The following CEACAM8 variants were observed in gnomAD, a reference collection of about 807,000 sequenced individuals.
CEACAM8 encodes CEA cell adhesion molecule 8, also known as cell adhesion molecule CEACAM8.
CEACAM8 carries 31 observed loss-of-function variants against 33.4 expected under a neutral mutation model. The observed-to-expected ratio is 0.93, with a 90% confidence interval of 0.70 to 1.25. CEACAM8 has a LOEUF of 1.25. Ranked by LOEUF, CEACAM8 falls within the 50% of genes most tolerant of loss-of-function variation. CEACAM8 has a pLI of 0.00. For synonymous variants in CEACAM8, 138 were observed against 164.5 expected (o/e 0.84, Z 1.23); for missense variants, 388 against 434.6 (o/e 0.89, Z 0.95).
At chr19:42,589,783 C>T in intron 2 of CEACAM8, 48 bp from the exon 3 acceptor site, 1 of 1,612,088 alleles carries the variant, frequency 6.2e-7, no homozygotes, top group Non-Finnish European at 8.5e-7. Context: ...ACCTTTGATT[C>T]CTCCACAGGC....
In CEACAM8 at chr19:42,591,803, A is replaced by G. The variant is rs568852759; in HGVS notation, c.424+1738T>C. Among the ~76,000 whole-genome samples the G allele has an allele frequency of 4.6e-5, 7 of 152,312 alleles. No homozygotes were observed. In the South Asian group the frequency reaches 1.5e-3, roughly 32 times the overall value. ...GATCTAGTCTCTAAAGAGGTTTTGC[A>G]TCATTCATTCTCTCATTCATTCCCT... On this transcript the variant is annotated intron_variant, in intron 2 of 5. Transcript: ENST00000244336.
At chr19:42,590,245 G>A (rs945800283) in intron 2 of CEACAM8, among the ~76,000 whole-genome samples, 1 of 152,222 alleles carries the variant, frequency 6.6e-6, no homozygotes, top group Admixed American at 6.5e-5. Context: ...AGGGGAGGCC[G>A]GGGCAAGCCT....
intron 5 of CEACAM8, among the ~76,000 whole-genome samples, chr19:42,582,575 C>G (rs1460142823): frequency 6.6e-6 from 1 of 152,024 alleles, no homozygotes; most frequent in Non-Finnish European, 1.5e-5. Flanking sequence ...GTGGGCAACT[C>G]CACAGTTCAG....
At chr19:42,583,468 G>T in intron 4 of CEACAM8, 131 bp from the exon 5 acceptor site, 1 of 674,184 alleles carries the variant, frequency 1.5e-6, no homozygotes, top group South Asian at 1.7e-5. Context: ...TTTGTGGGAA[G>T]GTTGCTGGGA....
At chr19:42,594,499 A>G (rs1030128459) in intron 1 of CEACAM8, among the ~76,000 whole-genome samples, 3 of 152,176 alleles carry the variant, frequency 2.0e-5, no homozygotes, top group African/African-American at 7.2e-5. Flanking sequence ...GTCATCTGGT[A>G]TGGTTATTAT....
chr19:42,584,960 C>T (rs1032005472), intron 4 of CEACAM8, among the ~76,000 whole-genome samples: 2 of 151,914 alleles, frequency 1.3e-5, no homozygotes, highest in African/African-American at 4.8e-5. Context: ...ACTAGACTGA[C>T]TAAGAAAAAA....
At position 42,588,708 on chromosome 19, in the gene CEACAM8, T is replaced by C. The variant is rs2147863933; in HGVS notation, c.958+76A>G. On this transcript the variant is annotated intron_variant, in intron 4 of 5. Transcript: ENST00000244336. Reference sequence around the variant, plus strand: ...TGGACACAGGCTGGGAATAAAACTTTTTTTCTGGCTCATCTCTGAAAGCCA... The same window carrying C: ...TGGACACAGGCTGGGAATAAAACTTCTTTTCTGGCTCATCTCTGAAAGCCA... The C allele has an allele frequency of 2.6e-6, 4 of 1,559,088 alleles. No individual in the cohort carries two copies. The East Asian group carries it at 6.8e-5, about 26-fold the overall frequency.
intron 1 of CEACAM8, among the ~76,000 whole-genome samples, chr19:42,594,307 C>T (rs894650722): frequency 1.3e-5 from 2 of 151,856 alleles, no homozygotes; most frequent in African/African-American, 4.8e-5. Flanking sequence ...AGTGTGAGCT[C>T]TGTGAGGGCA....
intron 2 of CEACAM8, among the ~76,000 whole-genome samples, chr19:42,589,965 G>A (rs1354577488): frequency 6.6e-6 from 1 of 152,188 alleles, no homozygotes; most frequent in Non-Finnish European, 1.5e-5. Context: ...GAATTGGGCA[G>A]CAGCGCTGGG....
Position 42,589,806 on chromosome 19 carries a change from G to A in CEACAM8, c.425-71C>T, listed in dbSNP as rs2042403306. 5 of 1,607,706 alleles carry A rather than the reference G, an allele frequency of 3.1e-6. No individual in the cohort carries two copies. In the Admixed American group the frequency reaches 8.4e-5, roughly 27 times the overall value. ...TTCCTCCACAGGCAAATTTCAATTA[G>A]AGTTGGCATCTCCCACCTCTCAGCC... On this transcript the variant is annotated intron_variant, in intron 2 of 5. Coordinates refer to ENST00000244336, the MANE Select transcript of CEACAM8 (RefSeq NM_001816.4).
rs774224084 is a variant in CEACAM8 at position 42,588,853 on chromosome 19, A to G, written c.889T>C (p.Tyr297His). Residue 297 changes from tyrosine (Y) to histidine (H), a missense_variant, in exon 4 of 6, where the codon TAT (tyrosine) becomes CAT (histidine). Physicochemically the swap from Tyr to His is moderately conservative, Grantham distance 83. Transcript: ENST00000244336. ...GCTGAGTTAGTGGTGTGGCAGGCAT[A>G]GGATCCGCTGTTCTTTGTAGTGATG... ...PNITTKNSGS[Y>H]ACHTTNSATG... is the part of the protein sequence containing the mutation. The G allele has an allele frequency of 4.0e-5, 64 of 1,614,050 alleles. No homozygotes were observed. Among genetic ancestry groups the G allele is most frequent in the South Asian group, 9.9e-5 (9 of 91,086 alleles).
chr19:42,592,314 GAAAT>G (rs45615433), intron 2 of CEACAM8, among the ~76,000 whole-genome samples: 8,610 of 152,080 alleles, frequency 0.057, 798 homozygotes, highest in African/African-American at 0.19. Flanking sequence ...TCTATTAAAA[GAAAT>G]AATAGGCTGA....
At chr19:42,585,073 T>C (rs1371314068) in intron 4 of CEACAM8, among the ~76,000 whole-genome samples, 3 of 152,130 alleles carry the variant, frequency 2.0e-5, no homozygotes, top group Non-Finnish European at 1.5e-5. Flanking sequence ...ATTGGGAGGA[T>C]TGCTTGAGGC....
In CEACAM8 at chr19:42,582,651, G is replaced by A. The variant is rs142648689; in HGVS notation, c.*40+555C>T. On this transcript the variant is annotated intron_variant, in intron 5 of 5. Coordinates refer to ENST00000244336, the MANE Select transcript of CEACAM8 (RefSeq NM_001816.4). The stretch of plus-strand genomic sequence containing the variant: ...GGAACTAAGAATTCTATGTGTATAT[G>A]GGGTAGATGCGCAGGGAAGTGTAGG... 3.0e-4 allele frequency among the ~76,000 whole-genome samples: 45 copies of A among 152,244 alleles called. No individual in the cohort carries two copies. In the East Asian group the frequency reaches 5.6e-3, roughly 19 times the overall value.
rs371401725 is a variant in CEACAM8 at position 42,581,656 on chromosome 19, C to T, written c.*41-303G>A. Among the ~76,000 whole-genome samples the T allele has an allele frequency of 2.9e-4, 44 of 151,720 alleles. No individual in the cohort carries two copies. The East Asian group carries it at 5.6e-3, about 19-fold the overall frequency. ...CCTGTAATCCCAGCACTTTGGGAGGCCGAGGCGGGTGGATCACAAGGTCAT... is the reference window on the plus strand; with the variant it reads ...CCTGTAATCCCAGCACTTTGGGAGGTCGAGGCGGGTGGATCACAAGGTCAT... On this transcript the variant is annotated intron_variant, in intron 5 of 5. Transcript: ENST00000244336.
At position 42,588,959 on chromosome 19, in the gene CEACAM8, C is replaced by T. The variant is rs374036827; in HGVS notation, c.783G>A (p.Ala261=). 121 of 1,614,118 alleles carry T rather than the reference C, an allele frequency of 7.5e-5. 1 individual carries two copies. The highest frequency in any genetic ancestry group is 1.2e-4 in the Admixed American group (7 of 60,018). Residue 261 remains alanine, a synonymous_variant, in exon 4 of 6, where the codon GCG becomes GCA. Coordinates refer to ENST00000244336, the MANE Select transcript of CEACAM8 (RefSeq NM_001816.4). ...AGVNLNLSCH[A]ASNPPSQYSW... is the part of the protein sequence containing the mutation. ...AATACTGTGAGGGTGGATTAGAGGC[C>T]GCATGGCAGGAGAGGTTGAGATTTA...
chr19:42,585,852 G>C (rs921738413), intron 4 of CEACAM8, among the ~76,000 whole-genome samples: 1 of 151,918 alleles, frequency 6.6e-6, no homozygotes, highest in African/African-American at 2.4e-5. Flanking sequence ...CTCTAAGGAT[G>C]AAAAAAACCT....
rs765190705 is a variant in CEACAM8 at position 42,581,946 on chromosome 19, T to TATATAA, written c.*41-594_*41-593insTTATAT. ...ATATATATATATATATATATATATA[T>TATATAA]AAAATAAGGTGGCTTTTCCACTTAG... On this transcript the variant is annotated intron_variant, in intron 5 of 5. Transcript: ENST00000244336. Among the ~76,000 whole-genome samples the TATATAA allele has an allele frequency of 4.2e-3, 354 of 83,950 alleles. 4 individuals carry two copies. Among genetic ancestry groups the TATATAA allele is most frequent in the South Asian group, 0.012 (28 of 2,376 alleles). The allele number at this position is 83,950 out of a possible 152,430, so 55.1% of individuals were successfully genotyped here. A position where few individuals can be genotyped will look rare whatever the true frequency, so the allele number is the denominator to read the frequency against.
chr19:42,583,765 G>C (rs1472190491), intron 4 of CEACAM8, among the ~76,000 whole-genome samples: 1 of 152,174 alleles, frequency 6.6e-6, no homozygotes, highest in Admixed American at 6.5e-5. Context: ...CCTTTGCACA[G>C]AGACCTCTCT....
Sources: gnomAD v4.1 joint callset for allele counts (sites outside exome capture counted in the v4.1 genomes callset) on GRCh38, gnomAD v4.1.1 for gene constraint, MANE v1.5 for transcripts, NCBI Gene and HGNC (gene_info 2026-07-23, HGNC 2026-07-21) for gene names.